ESR1: variants seen among roughly 807,000 people sequenced by gnomAD.
The protein encoded by ESR1 is estrogen receptor.
In ESR1, 12 loss-of-function variants were observed where a neutral mutation model predicts 52.7. That is an observed-to-expected ratio of 0.23 (90% CI 0.15 to 0.37). The LOEUF (loss-of-function observed/expected upper bound fraction) is 0.37. Among genes scored for constraint, ESR1 ranks in the 10% least tolerant of loss-of-function variants. The probability of loss-of-function intolerance (pLI) is 1.00; values close to 1 mark genes in which losing one functional copy is unlikely to be tolerated. For missense variants in ESR1, 584 were observed against 779.7 expected (o/e 0.75, Z 2.99); for synonymous variants, 305 against 316.8 (o/e 0.96, Z 0.39).
intron 2 of ESR1, among the ~76,000 whole-genome samples, chr6:151,769,198 A>C (rs1351746550): frequency 2.0e-5 from 3 of 152,226 alleles, no homozygotes; most frequent in African/African-American, 7.2e-5. Flanking sequence ...TACTTCTGCC[A>C]GGCATCTCTC....
chr6:151,914,067 A>G (rs964328573), intron 3 of ESR1, among the ~76,000 whole-genome samples: 20 of 152,106 alleles, frequency 1.3e-4, no homozygotes, highest in Non-Finnish European at 2.9e-5. Context: ...ATTTAAAATC[A>G]TAGGAAAAAT....
At chr6:152,028,444 C>T (rs1271959478) in intron 5 of ESR1, among the ~76,000 whole-genome samples, 1 of 152,150 alleles carries the variant, frequency 6.6e-6, no homozygotes, top group East Asian at 1.9e-4. Flanking sequence ...TCACTCCCAC[C>T]CTAATACTGG....
chr6:151,808,318 C>T lies in ESR1; in HGVS notation c.406C>T (p.Pro136Ser), dbSNP rs201145204. 335 of 1,558,834 alleles carry T rather than the reference C, an allele frequency of 2.1e-4. No individual in the cohort carries two copies. The African/African-American group carries it at 4.1e-3, about 19-fold the overall frequency. ...GGTGCCCTACTACCTGGAGAACGAGCCCAGCGGCTACACGGTGCGCGAGGC... is the reference window on the plus strand; with the variant it reads ...GGTGCCCTACTACCTGGAGAACGAGTCCAGCGGCTACACGGTGCGCGAGGC... ...QQVPYYLENEPSGYTVREAGP... is the reference protein window; with the variant it reads ...QQVPYYLENESSGYTVREAGP... Residue 136 changes from proline (P) to serine (S), a missense_variant, in exon 1 of 8, where the codon CCC becomes TCC. Around this residue, in one of 6 missense-constraint regions of ESR1, gnomAD observed 251 missense variants for 246.1 expected, o/e 1.02. Transcript: ENST00000206249.
At chr6:152,039,133 A>G (rs911365526) in intron 5 of ESR1, among the ~76,000 whole-genome samples, 4 of 152,344 alleles carry the variant, frequency 2.6e-5, no homozygotes, top group East Asian at 1.9e-4. Flanking sequence ...ACCTTCTTCT[A>G]CAACCCATTC....
rs571716552 is a variant in ESR1, at chr6:151,944,400, G to C, written c.988G>C (p.Glu330Gln). 6.2e-7 allele frequency: 1 copy of C among 1,614,034 alleles called. No homozygotes were observed. The highest frequency in any genetic ancestry group is 1.3e-5 in the African/African-American group (1 of 75,032). The change falls in exon 4 of 8, where the codon GAG (glutamate) becomes CAG (glutamine). Residue 330 changes from glutamate to glutamine, a missense_variant. Physicochemically the swap from Glu to Gln is conservative, Grantham distance 29. Around this residue, in one of 6 missense-constraint regions of ESR1, gnomAD observed 141 missense variants for 289.3 expected, o/e 0.49. Transcript: ENST00000206249. ...TGCTGAGCCCCCGATACTCTATTCC[G>C]AGTATGATCCTACCAGACCCTTCAG... ...LDAEPPILYS[E>Q]YDPTRPFSEA...
At chr6:151,698,372 TA>T (rs56064813) in intron 1 of ESR1, among the ~76,000 whole-genome samples, 3,240 of 138,910 alleles carry the variant, frequency 0.023, 36 homozygotes, top group East Asian at 0.035. Flanking sequence ...GATCTTGTCT[TA>T]AAAAAAAAAA....
At chr6:152,109,077 G>A (rs796926111) in intron 6 of ESR1, among the ~76,000 whole-genome samples, 4 of 152,088 alleles carry the variant, frequency 2.6e-5, no homozygotes, top group African/African-American at 7.2e-5. Context: ...GTGGGGAGGC[G>A]CTACACACTT....
chr6:151,712,527 T>A (rs1158340760), intron 2 of ESR1, among the ~76,000 whole-genome samples: 1 of 152,170 alleles, frequency 6.6e-6, no homozygotes, highest in Non-Finnish European at 1.5e-5. Context: ...TGAGCAGTGG[T>A]TTGTAGTTCT....
chr6:152,002,123 T>C (rs991874686), intron 4 of ESR1, among the ~76,000 whole-genome samples: 1 of 151,834 alleles, frequency 6.6e-6, no homozygotes, highest in Non-Finnish European at 1.5e-5. Flanking sequence ...TCTTAATCCA[T>C]TCCAGAACTA....
chr6:152,062,342 C>T lies in ESR1; in HGVS notation c.1369+1218C>T, dbSNP rs541576086. Among the ~76,000 whole-genome samples, 31 of 152,270 alleles carry T rather than the reference C, an allele frequency of 2.0e-4. No individual in the cohort carries two copies. In the East Asian group the frequency reaches 3.9e-3, roughly 19 times the overall value. ...CCTTCCCACCTCCCATGACAATTTT[C>T]CACTTCTCTTCCCCACCACCACTAG... is the stretch of plus-strand genomic sequence containing the variant. On this transcript the variant is annotated intron_variant, in intron 6 of 7. Coordinates refer to ENST00000206249, the MANE Select transcript of ESR1 (RefSeq NM_000125.4).
chr6:151,846,885 T>C (rs1395180333), intron 2 of ESR1, among the ~76,000 whole-genome samples: 1 of 152,214 alleles, frequency 6.6e-6, no homozygotes, highest in African/African-American at 2.4e-5. Context: ...CAGATCTGGT[T>C]GTAGCTTCAG....
chr6:151,753,535 C>A (rs1024526750), intron 2 of ESR1, among the ~76,000 whole-genome samples: 2 of 152,068 alleles, frequency 1.3e-5, no homozygotes, highest in Non-Finnish European at 2.9e-5. Context: ...CTAGGGTGGT[C>A]TCAAACTCCT....
At chr6:151,972,316 AC>A (rs1382398390) in intron 4 of ESR1, among the ~76,000 whole-genome samples, 1 of 152,184 alleles carries the variant, frequency 6.6e-6, no homozygotes, top group Admixed American at 6.5e-5. Flanking sequence ...AGCCAGTATC[AC>A]CCTAATACCA....
At chr6:151,682,113 C>G (rs1778482907) in intron 1 of ESR1, among the ~76,000 whole-genome samples, 1 of 152,202 alleles carries the variant, frequency 6.6e-6, no homozygotes, top group African/African-American at 2.4e-5. Context: ...TTTCCTAGCA[C>G]AGGTTTTTTG....
intron 2 of ESR1, among the ~76,000 whole-genome samples, chr6:151,793,683 G>C (rs968831855): frequency 4.6e-5 from 7 of 152,050 alleles, no homozygotes; most frequent in Non-Finnish European, 8.8e-5. Context: ...AACCTTACAA[G>C]ACCACTGTCA....
chr6:151,706,061 C>CT (rs1780161490), intron 2 of ESR1, among the ~76,000 whole-genome samples: 1 of 152,166 alleles, frequency 6.6e-6, no homozygotes, highest in Non-Finnish European at 1.5e-5. Flanking sequence ...AGTGAAAAAT[C>CT]TTAGTTATTT....
chr6:151,706,681 G>A (rs906911503), intron 2 of ESR1, among the ~76,000 whole-genome samples: 4 of 152,108 alleles, frequency 2.6e-5, no homozygotes, highest in African/African-American at 9.7e-5. Context: ...CCTTGCCTAG[G>A]GTTTCAGCTG....
chr6:152,098,959 C>T lies in ESR1; in HGVS notation c.1781C>T (p.Thr594Met), dbSNP rs138891155. The stretch of plus-strand genomic sequence containing the variant: ...GGGGAGGCAGAGGGTTTCCCTGCCA[C>T]GGTCTGAGAGCTCCCTGGCTCCCAC... ...ITGEAEGFPA[T>M]V Residue 594 changes from threonine to methionine, a missense_variant, in exon 8 of 8, where the codon ACG becomes ATG. By Grantham distance (81) the Thr-to-Met change is moderately conservative. Around this residue, in one of 6 missense-constraint regions of ESR1, gnomAD observed 71 missense variants for 66.1 expected, o/e 1.07. Transcript: ENST00000206249. The surrounding 1 kb of genome is among the most constrained non-coding windows in gnomAD (Gnocchi z 5.1). The T allele has an allele frequency of 2.2e-5, 36 of 1,612,524 alleles. No individual in the cohort carries two copies. Among genetic ancestry groups the T allele is most frequent in the Non-Finnish European group, 3.0e-5 (35 of 1,178,638 alleles).
intron 2 of ESR1, among the ~76,000 whole-genome samples, chr6:151,729,359 C>G (rs927097459): frequency 5.9e-5 from 9 of 152,162 alleles, no homozygotes; most frequent in African/African-American, 2.2e-4. Context: ...TATAAGCCAC[C>G]TAGTCTATAG....
Sources: gnomAD v4.1 joint callset for allele counts (sites outside exome capture counted in the v4.1 genomes callset) on GRCh38, gnomAD v4.1.1 for gene constraint, gnomAD v4.1.1 regional missense constraint, Gnocchi (gnomAD v3.1) non-coding constraint, MANE v1.5 for transcripts, NCBI Gene and HGNC (gene_info 2026-07-23, HGNC 2026-07-21) for gene names.